Variants in RABGAP1L observed in about 807,000 individuals in gnomAD.
The protein encoded by RABGAP1L is rab GTPase-activating protein 1-like.
RABGAP1L carries 63 observed loss-of-function variants against 137.7 expected under a neutral mutation model. That is an observed-to-expected ratio of 0.46 (90% CI 0.37 to 0.56). The LOEUF is 0.56. RABGAP1L is among the 20% of genes least tolerant of loss of function. The probability of loss-of-function intolerance (pLI) is 0.00; values close to 1 mark genes in which losing one functional copy is unlikely to be tolerated. For missense variants in RABGAP1L, 1,095 were observed against 1,244.0 expected (o/e 0.88, Z 1.80); for synonymous variants, 431 against 433.7 (o/e 0.99, Z 0.08).
chr1:174,650,672 G>T (rs1294631442), intron 14 of RABGAP1L, among the ~76,000 whole-genome samples: 1 of 151,504 alleles, frequency 6.6e-6, no homozygotes, highest in South Asian at 2.1e-4. Context: ...TGTGGGATCG[G>T]TGGTGATATC....
intron 1 of RABGAP1L, among the ~76,000 whole-genome samples, chr1:174,176,045 T>C (rs1165626430): frequency 6.6e-6 from 1 of 152,220 alleles, no homozygotes; most frequent in African/African-American, 2.4e-5. Context: ...CAAATTCTCA[T>C]ATTTGTCACT....
intron 1 of RABGAP1L, among the ~76,000 whole-genome samples, chr1:174,169,288 T>C (rs949476319): frequency 2.0e-5 from 3 of 152,000 alleles, no homozygotes; most frequent in Non-Finnish European, 2.9e-5. Context: ...GGCATGATCT[T>C]GGCTCACTGC....
In RABGAP1L at chr1:174,803,811, G is replaced by A. The variant is rs557737009; in HGVS notation, c.2212-8021G>A. ...AATCAGGCCAAGCGCAGTGGCTCAC[G>A]CCTGTAATCCCAGCATGTTGGGAGG... On this transcript the variant is annotated intron_variant, in intron 18 of 25. Coordinates refer to ENST00000681986, the MANE Select transcript of RABGAP1L (RefSeq NM_001366446.1). Among the ~76,000 whole-genome samples, 5 of 152,086 alleles carry A rather than the reference G, an allele frequency of 3.3e-5. No individual in the cohort carries two copies. The South Asian group carries it at 6.2e-4, about 19-fold the overall frequency.
intron 13 of RABGAP1L, among the ~76,000 whole-genome samples, chr1:174,469,552 C>G (rs1394671495): frequency 1.3e-5 from 2 of 152,140 alleles, no homozygotes; most frequent in African/African-American, 2.4e-5. Context: ...TCTCTGCAAT[C>G]AGAAGTTTGA....
chr1:174,205,999 C>A (rs942750305), intron 1 of RABGAP1L, among the ~76,000 whole-genome samples: 5 of 152,154 alleles, frequency 3.3e-5, no homozygotes, highest in African/African-American at 9.7e-5. Context: ...GGTTAAGACC[C>A]TTTTTCTTGT....
At chr1:174,730,865 A>G (rs1354054388) in intron 17 of RABGAP1L, among the ~76,000 whole-genome samples, 1 of 152,072 alleles carries the variant, frequency 6.6e-6, no homozygotes, top group African/African-American at 2.4e-5. Flanking sequence ...TGTGGCCTAG[A>G]AAAAAAACTT....
intron 19 of RABGAP1L, among the ~76,000 whole-genome samples, chr1:174,920,985 C>T (rs906068715): frequency 2.0e-5 from 3 of 152,118 alleles, no homozygotes; most frequent in Non-Finnish European, 2.9e-5. Flanking sequence ...TACAGTGGAG[C>T]GATCTTGGCT....
In RABGAP1L at chr1:174,993,061, G is replaced by T. The variant is rs1053145746; in HGVS notation, c.*3060G>T. On this transcript the variant is annotated 3_prime_UTR_variant, in exon 26 of 26. Transcript: ENST00000681986. ...TTCATAATTCAGTTCATCAGCTTTT[G>T]TATCTTGAGAATCTAAACACGTCTT... 3 of 152,186 alleles carry T rather than the reference G, an allele frequency of 2.0e-5. No homozygotes were observed. The highest frequency in any genetic ancestry group is 3.2e-3 in the Middle Eastern group (1 of 314). 9.4% of individuals were successfully genotyped at this position (152,186 alleles called of 1,614,324 possible).
chr1:174,221,517 T>C (rs1669755935), intron 3 of RABGAP1L, among the ~76,000 whole-genome samples: 1 of 148,394 alleles, frequency 6.7e-6, no homozygotes, highest in Non-Finnish European at 1.5e-5. Context: ...TTCACTACAC[T>C]TATTTAAAGT....
chr1:174,305,587 T>C (rs1678137937), intron 11 of RABGAP1L, among the ~76,000 whole-genome samples: 1 of 151,986 alleles, frequency 6.6e-6, no homozygotes, highest in African/African-American at 2.4e-5. Flanking sequence ...GGTTTCGCCA[T>C]GTTGGCCAGG....
chr1:174,971,102 G>A (rs962321736), intron 21 of RABGAP1L, among the ~76,000 whole-genome samples: 7 of 151,648 alleles, frequency 4.6e-5, no homozygotes, highest in African/African-American at 1.7e-4. Context: ...TGGGTGATAA[G>A]ATTAAATATA....
chr1:174,589,837 T>G (rs1669423908), intron 13 of RABGAP1L, among the ~76,000 whole-genome samples: 1 of 152,206 alleles, frequency 6.6e-6, no homozygotes, highest in Admixed American at 6.5e-5. Flanking sequence ...TTTATGCCAG[T>G]CCCGTGCTGT....
chr1:174,478,753 A>C (rs1256990781), intron 13 of RABGAP1L, among the ~76,000 whole-genome samples: 2 of 152,198 alleles, frequency 1.3e-5, no homozygotes, highest in Non-Finnish European at 2.9e-5. Context: ...AGACCAATAC[A>C]ACTTACAAAC....
At chr1:174,972,003 T>C (rs995931035) in intron 21 of RABGAP1L, among the ~76,000 whole-genome samples, 1 of 152,250 alleles carries the variant, frequency 6.6e-6, no homozygotes, top group Non-Finnish European at 1.5e-5. Flanking sequence ...CCAAAGGCTC[T>C]TCAGCTTTTC....
chr1:174,749,850 A>G (rs1001645157), intron 17 of RABGAP1L, among the ~76,000 whole-genome samples: 14 of 152,038 alleles, frequency 9.2e-5, no homozygotes, highest in Admixed American at 6.5e-5. Flanking sequence ...TTGTAGGACC[A>G]TTTCAAAATA....
intron 19 of RABGAP1L, among the ~76,000 whole-genome samples, chr1:174,940,083 A>T (rs1044817239): frequency 2.6e-5 from 4 of 152,192 alleles, no homozygotes; most frequent in Non-Finnish European, 5.9e-5. Context: ...GGAATAGCTC[A>T]TAACAGCCAT....
At chr1:174,901,417 C>T (rs1412919739) in intron 19 of RABGAP1L, among the ~76,000 whole-genome samples, 2 of 152,058 alleles carry the variant, frequency 1.3e-5, no homozygotes, top group African/African-American at 2.4e-5. Flanking sequence ...AGAATGAGTG[C>T]CCGGTAAAGG....
rs144028877 is a variant in RABGAP1L at position 174,312,974 on chromosome 1, G to A, written c.1465+7847G>A. 6.6e-3 allele frequency among the ~76,000 whole-genome samples: 1,000 copies of A among 152,242 alleles called. 13 individuals carry two copies. The highest frequency in any genetic ancestry group is 0.023 in the African/African-American group (939 of 41,530). Reference sequence around the variant, plus strand: ...GGTCTATGTGTCTGTTTTTATGCCAGTCCCATGCTGTTTTGGTTACTATAG... The same window carrying A: ...GGTCTATGTGTCTGTTTTTATGCCAATCCCATGCTGTTTTGGTTACTATAG... On this transcript the variant is annotated intron_variant, in intron 11 of 25. Coordinates refer to ENST00000681986, the MANE Select transcript of RABGAP1L (RefSeq NM_001366446.1).
chr1:174,485,655 A>G lies in RABGAP1L; in HGVS notation c.1710+91510A>G, dbSNP rs149948973. ...ATGTATCACATTTATTGATTTGCAT[A>G]TGTTGAATCATCCTTGCATTCCAGG... On this transcript the variant is annotated intron_variant, in intron 13 of 25. Coordinates refer to ENST00000681986, the MANE Select transcript of RABGAP1L (RefSeq NM_001366446.1). Among the ~76,000 whole-genome samples, 594 of 152,296 alleles carry G rather than the reference A, an allele frequency of 3.9e-3. 6 individuals are homozygous for G. The highest frequency in any genetic ancestry group is 0.014 in the African/African-American group (564 of 41,554).
Sources: gnomAD v4.1 joint callset for allele counts (sites outside exome capture counted in the v4.1 genomes callset) on GRCh38, gnomAD v4.1.1 for gene constraint, MANE v1.5 for transcripts, NCBI Gene and HGNC (gene_info 2026-07-23, HGNC 2026-07-21) for gene names.